Variants in PLEKHA5 observed in about 807,000 individuals in gnomAD.
The protein encoded by PLEKHA5 is pleckstrin homology domain-containing family A member 5.
In PLEKHA5, 55 loss-of-function variants were observed where a neutral mutation model predicts 181.9. The ratio of observed to expected loss-of-function variants is 0.30; its 90% CI spans 0.24 to 0.38. PLEKHA5 has a LOEUF of 0.38. Ranked by LOEUF, PLEKHA5 falls within the 10% of genes least tolerant of loss-of-function variation. PLEKHA5 has a pLI of 1.00. For synonymous variants in PLEKHA5, 535 were observed against 529.4 expected, an observed-to-expected ratio of 1.01 and a Z score of -0.15; for missense variants, 1,432 against 1,549.5, an observed-to-expected ratio of 0.92 and a Z score of 1.27.
intron 15 of PLEKHA5, among the ~76,000 whole-genome samples, chr12:19,304,692 T>C (rs2082621105): frequency 6.6e-6 from 1 of 151,626 alleles, no homozygotes; most frequent in African/African-American, 2.4e-5. Context: ...CCAATAAGAA[T>C]TGCCAGGGCC....
chr12:19,342,548 C>T (rs981879399), intron 21 of PLEKHA5, among the ~76,000 whole-genome samples: 2 of 151,926 alleles, frequency 1.3e-5, no homozygotes, highest in African/African-American at 2.4e-5. Flanking sequence ...CCTAGCTACT[C>T]GGGAGGCTGA....
chr12:19,301,184 TAGATTTATCCATGGCAAGAACA>T (rs1234720434), intron 15 of PLEKHA5, among the ~76,000 whole-genome samples: 1 of 152,108 alleles, frequency 6.6e-6, no homozygotes, highest in African/African-American at 2.4e-5. Flanking sequence ...TATTTTAGAA[TAGATTTATCCATGGCAAGAACA>T]AGTACCTTTT....
intron 3 of PLEKHA5, among the ~76,000 whole-genome samples, chr12:19,221,670 A>G (rs1267119186): frequency 6.6e-6 from 1 of 152,204 alleles, no homozygotes; most frequent in Non-Finnish European, 1.5e-5. Flanking sequence ...AATGCAGACT[A>G]TGACAAAGGA....
At chr12:19,184,946 A>G (rs1196540272) in intron 3 of PLEKHA5, among the ~76,000 whole-genome samples, 3 of 152,214 alleles carry the variant, frequency 2.0e-5, no homozygotes, top group African/African-American at 7.2e-5. Flanking sequence ...TGATTGTTAT[A>G]TAGTCGGTGG....
At position 19,283,415 on chromosome 12, in the gene PLEKHA5, T is replaced by C; in HGVS notation, c.1449T>C (p.Pro483=). The stretch of plus-strand genomic sequence containing the variant: ...CTGAAAGTATCTGCAGTGTAACCCC[T>C]TCCACTCATGACAAGACATTAGGAC... ...TRPESICSVT[P]STHDKTLGPG... Residue 483 remains proline (P), a synonymous_variant, in exon 12 of 32, where the codon CCT becomes CCC. Transcript: ENST00000429027. 6.2e-7 allele frequency: 1 copy of C among 1,614,042 alleles called. No individual in the cohort carries two copies. The highest frequency in any genetic ancestry group is 8.5e-7 in the Non-Finnish European group (1 of 1,180,014).
At chr12:19,277,836 C>T (rs2075026420) in intron 11 of PLEKHA5, among the ~76,000 whole-genome samples, 1 of 152,098 alleles carries the variant, frequency 6.6e-6, no homozygotes, top group Non-Finnish European at 1.5e-5. Flanking sequence ...GTGAACAAAG[C>T]TTTAAAGTTT....
At chr12:19,163,353 A>G (rs999057813) in intron 3 of PLEKHA5, among the ~76,000 whole-genome samples, 15 of 151,994 alleles carry the variant, frequency 9.9e-5, no homozygotes, top group South Asian at 2.1e-4. Flanking sequence ...ATTTTTTTGT[A>G]TTTTTAGTAG....
intron 3 of PLEKHA5, chr12:19,243,078 G>C (rs1023896828): frequency 6.6e-6 from 1 of 152,386 alleles, no homozygotes; most frequent in Non-Finnish European, 1.5e-5. Context: ...GAGAGGAGGA[G>C]GGAAGAGGAG....
intron 3 of PLEKHA5, among the ~76,000 whole-genome samples, chr12:19,170,262 GT>G (rs1393190006): frequency 2.0e-5 from 3 of 151,810 alleles, no homozygotes; most frequent in African/African-American, 7.3e-5. Flanking sequence ...TATATGGAAT[GT>G]TTTTTTTCTT....
intron 3 of PLEKHA5, among the ~76,000 whole-genome samples, chr12:19,248,078 G>C (rs539459019): frequency 6.6e-6 from 1 of 152,144 alleles, no homozygotes; most frequent in Non-Finnish European, 1.5e-5. Flanking sequence ...TAAAAATTAG[G>C]TGGGTGTGAT....
chr12:19,223,291 G>A (rs2059249857), intron 3 of PLEKHA5, among the ~76,000 whole-genome samples: 1 of 152,102 alleles, frequency 6.6e-6, no homozygotes, highest in African/African-American at 2.4e-5. Context: ...CATCAGATAT[G>A]AAAGAAGCCT....
At chr12:19,289,121 GA>G (rs2077846452) in intron 13 of PLEKHA5, among the ~76,000 whole-genome samples, 1 of 152,152 alleles carries the variant, frequency 6.6e-6, no homozygotes. Context: ...ATGAGGTCAC[GA>G]GATAGGATTG....
intron 3 of PLEKHA5, among the ~76,000 whole-genome samples, chr12:19,246,837 ATACTT>A (rs775197378): frequency 2.5e-4 from 38 of 152,298 alleles, no homozygotes; most frequent in Admixed American, 5.2e-4. Context: ...ATTCCATTGA[ATACTT>A]TAGTTTCTTT....
intron 3 of PLEKHA5, among the ~76,000 whole-genome samples, chr12:19,216,075 C>T (rs2057922901): frequency 6.6e-6 from 1 of 152,116 alleles, no homozygotes; most frequent in Admixed American, 6.5e-5. Context: ...AGCTCCGTTT[C>T]CCATTGTAAA....
intron 3 of PLEKHA5, among the ~76,000 whole-genome samples, chr12:19,146,292 G>T (rs1342199387): frequency 6.6e-6 from 1 of 152,174 alleles, no homozygotes; most frequent in Non-Finnish European, 1.5e-5. Context: ...TTTCAGCCAT[G>T]CATGGCATCT....
chr12:19,149,285 G>A (rs966147774), intron 3 of PLEKHA5, among the ~76,000 whole-genome samples: 13 of 151,920 alleles, frequency 8.6e-5, no homozygotes, highest in African/African-American at 2.9e-4. Flanking sequence ...GACGGATCAC[G>A]AGGTCGGGAG....
At chr12:19,142,140 C>G (rs559422658) in intron 3 of PLEKHA5, among the ~76,000 whole-genome samples, 175 of 152,200 alleles carry the variant, frequency 1.1e-3, no homozygotes, top group African/African-American at 3.4e-3. Flanking sequence ...CAGGAGGATT[C>G]TTTGAAGCCA....
At chr12:19,307,914 C>G (rs1427212443) in intron 15 of PLEKHA5, among the ~76,000 whole-genome samples, 1 of 151,194 alleles carries the variant, frequency 6.6e-6, no homozygotes, top group Non-Finnish European at 1.5e-5. Context: ...CTCACCATCC[C>G]CTGGGAAACA....
At chr12:19,198,776 T>C (rs570743596) in intron 3 of PLEKHA5, among the ~76,000 whole-genome samples, 66 of 152,230 alleles carry the variant, frequency 4.3e-4, no homozygotes, top group African/African-American at 1.2e-3. Flanking sequence ...ACTATTCTGA[T>C]TTTGGGGAAA....
Sources: allele counts gnomAD v4.1 joint callset (sites outside exome capture counted in the v4.1 genomes callset), GRCh38; gene constraint gnomAD v4.1.1; transcripts MANE v1.5; gene names NCBI Gene and HGNC (gene_info 2026-07-23, HGNC 2026-07-21).